PZP: variants seen among roughly 807,000 people sequenced by gnomAD.
PZP encodes the protein PZP alpha-2-macroglobulin like.
In PZP, 150 loss-of-function variants were observed where a neutral mutation model predicts 179.8. The observed-to-expected ratio is 0.83, with a 90% CI of 0.73 to 0.96. The LOEUF is 0.96. Ranked by LOEUF, PZP falls within the 40% of genes least tolerant of loss-of-function variation. PZP has a pLI of 0.00. For synonymous variants in PZP, 624 were observed against 652.3 expected (o/e 0.96, Z 0.66); for missense variants, 1,689 against 1,764.0 (o/e 0.96, Z 0.76).
chr12:9,184,526 T>C (rs776996535), intron 13 of PZP, among the ~76,000 whole-genome samples: 2 of 152,258 alleles, frequency 1.3e-5, no homozygotes, highest in African/African-American at 4.8e-5. Flanking sequence ...GCCAGCAACC[T>C]GGCACCTGCT....
intron 22 of PZP, 86 bp from the exon 23 acceptor site, chr12:9,161,202 G>T: frequency 8.7e-7 from 1 of 1,146,522 alleles, no homozygotes; most frequent in Non-Finnish European, 1.2e-6. Flanking sequence ...GAGCTTCAGA[G>T]CCACACTCCC....
chr12:9,155,551 G>C (rs1304296287), intron 28 of PZP, among the ~76,000 whole-genome samples: 1 of 152,076 alleles, frequency 6.6e-6, no homozygotes, highest in Non-Finnish European at 1.5e-5. Flanking sequence ...CACTGTAGAA[G>C]TTATCTCATG....
intron 15 of PZP, among the ~76,000 whole-genome samples, chr12:9,178,725 G>A (rs1317239508): frequency 6.6e-6 from 1 of 152,152 alleles, no homozygotes; most frequent in Non-Finnish European, 1.5e-5. Context: ...TGGAAGACAG[G>A]AACAGAAATG....
At chr12:9,165,491 C>A in intron 18 of PZP, 124 bp from the exon 19 acceptor site, 1 of 1,080,414 alleles carries the variant, frequency 9.3e-7, no homozygotes, top group Non-Finnish European at 1.3e-6. Flanking sequence ...TGCGAGTGTG[C>A]ATTCGTGTGA....
At chr12:9,167,444 T>C (rs1315509530) in intron 17 of PZP, 1 of 152,174 alleles carries the variant, frequency 6.6e-6, no homozygotes, top group Non-Finnish European at 1.5e-5. Flanking sequence ...GATCCATGGG[T>C]TGCAGAGATC....
At position 9,159,864 on chromosome 12, in the gene PZP, A is replaced by C. The variant is rs1188947019; in HGVS notation, c.3137+74T>G. The C allele has an allele frequency of 6.2e-6, 8 of 1,295,882 alleles. No individual in the cohort carries two copies. The East Asian group carries it at 1.6e-4, about 26-fold the overall frequency. The allele number at this position is 1,295,882 out of a possible 1,614,324, so 80.3% of individuals were successfully genotyped here. On this transcript the variant is annotated intron_variant, in intron 25 of 35. Transcript: ENST00000261336. ...GGTATTCTGTTATAAGCAACAGAAA[A>C]TGGACTAAGACAGGTAATCTATGTG... is the stretch of plus-strand genomic sequence containing the variant.
At chr12:9,156,314 C>T in intron 28 of PZP, 1 of 211,798 alleles carries the variant, frequency 4.7e-6, no homozygotes, top group Non-Finnish European at 1.0e-5. Context: ...ATCAATGTCA[C>T]CCTTTGTCCT....
In PZP at chr12:9,160,468, C is replaced by T. The variant is rs149099335; in HGVS notation, c.2895G>A (p.Met965Ile). Residue 965 changes from methionine (M) to isoleucine (I), a missense_variant, in exon 24 of 36, where the codon ATG (methionine) becomes ATA (isoleucine). Physicochemically the swap from Met to Ile is conservative, Grantham distance 10. Transcript: ENST00000261336. ...TCTGGAGGAGATTTTGTATATTTTG[C>T]ATAGCAGAACCTAATATGTCACCTG... ...SVLGDILGSA[M>I]QNIQNLLQMP... 2.0e-4 allele frequency: 321 copies of T among 1,613,614 alleles called. No individual in the cohort carries two copies. The African/African-American group carries it at 3.7e-3, about 18-fold the overall frequency.
At position 9,192,696 on chromosome 12, in the gene PZP, A is replaced by G; in HGVS notation, c.1298T>C (p.Val433Ala). Residue 433 changes from valine (V) to alanine (A), a missense_variant, in exon 12 of 36, where the codon GTA becomes GCA. This residue lies in a region of PZP where 742 missense variants were observed against 730.5 expected (regional missense o/e 1.02). Coordinates refer to ENST00000261336, the MANE Select transcript of PZP (RefSeq NM_002864.3). ...CTGAGCACCCTGGTGGTCTTCTGCTACCCATGAATAGTGAAAACACAAGTT... is the reference window on the plus strand; with the variant it reads ...CTGAGCACCCTGGTGGTCTTCTGCTGCCCATGAATAGTGAAAACACAAGTT... ...HPNLCFHYSW[V>A]AEDHQGAQHT... The G allele has an allele frequency of 6.2e-7, 1 of 1,613,700 alleles. No homozygotes were observed. Among genetic ancestry groups the G allele is most frequent in the Non-Finnish European group, 8.5e-7 (1 of 1,179,566 alleles).
intron 28 of PZP, 143 bp downstream of exon 28, chr12:9,157,032 T>C: frequency 1.5e-6 from 1 of 656,778 alleles, no homozygotes; most frequent in Non-Finnish European, 2.4e-6. Context: ...GCCCATCACC[T>C]GGTTATTAGG....
rs1294645809 is a variant in PZP at position 9,161,874 on chromosome 12, A to G, written c.2788+723T>C. 1.7e-4 allele frequency among the ~76,000 whole-genome samples: 26 copies of G among 152,136 alleles called. 1 individual carries two copies. The highest frequency in any genetic ancestry group is 1.6e-3 in the Admixed American group (24 of 15,288). On this transcript the variant is annotated intron_variant, in intron 22 of 35. Coordinates refer to ENST00000261336, the MANE Select transcript of PZP (RefSeq NM_002864.3). ...TTTAGTGAGATGGGTAGGAAATGCTATATGTTTTGTCAGCAGCTGTTTTAG... is the reference window on the plus strand; with the variant it reads ...TTTAGTGAGATGGGTAGGAAATGCTGTATGTTTTGTCAGCAGCTGTTTTAG...
intron 1 of PZP, among the ~76,000 whole-genome samples, chr12:9,205,571 C>T (rs941300820): frequency 2.0e-5 from 3 of 152,166 alleles, no homozygotes; most frequent in African/African-American, 4.8e-5. Context: ...CATGCCAAAT[C>T]AGTAAAATCA....
At position 9,194,351 on chromosome 12, in the gene PZP, A is replaced by T. The variant is rs770849203; in HGVS notation, c.1093-113T>A. On this transcript the variant is annotated intron_variant, in intron 10 of 35. Coordinates refer to ENST00000261336, the MANE Select transcript of PZP (RefSeq NM_002864.3). ...TAAAACAACAACCTCCCCCTCAAAA[A>T]AACCCCACCAAACCTTCATATTTAC... 6 of 843,472 alleles carry T rather than the reference A, an allele frequency of 7.1e-6. No homozygotes were observed. In the Admixed American group the frequency reaches 1.1e-4, roughly 16 times the overall value. The allele number at this position is 843,472 out of a possible 1,614,324, so 52.2% of individuals were successfully genotyped here. A position where few individuals can be genotyped will look rare whatever the true frequency, so the allele number is the denominator to read the frequency against.
Position 9,157,278 on chromosome 12 carries a change from A to G in PZP, c.3447T>C (p.His1149=). Reference sequence around the variant, plus strand: ...AGGCCAGCAATGCCTTGGTGTAGACATGGCTCCCATGGGTCCCCTCCTTTG... The same window carrying G: ...AGGCCAGCAATGCCTTGGTGTAGACGTGGCTCCCATGGGTCCCCTCCTTTG... ...NVAKEGTHGS[H]VYTKALLAYA... is the part of the protein sequence containing the mutation. The change falls in exon 28 of 36, where the codon CAT becomes CAC. Residue 1149 remains histidine, a synonymous_variant. Coordinates refer to ENST00000261336, the MANE Select transcript of PZP (RefSeq NM_002864.3). 1 of 1,614,118 alleles carries G rather than the reference A, an allele frequency of 6.2e-7. No individual in the cohort carries two copies. Among genetic ancestry groups the G allele is most frequent in the South Asian group, 1.1e-5 (1 of 91,068 alleles).
downstream of PZP, among the ~76,000 whole-genome samples, chr12:9,147,784 G>T (rs1034415640): frequency 1.3e-5 from 2 of 152,158 alleles, no homozygotes; most frequent in Admixed American, 6.5e-5. Context: ...TTCAAGCTAA[G>T]TCTTCTGGAA....
intron 1 of PZP, among the ~76,000 whole-genome samples, chr12:9,205,883 G>A (rs965576103): frequency 6.6e-6 from 1 of 152,044 alleles, no homozygotes; most frequent in African/African-American, 2.4e-5. Flanking sequence ...CTCAAATTTG[G>A]TCCCCTCATC....
chr12:9,192,351 T>G (rs1222464924), intron 12 of PZP, 95 bp from the exon 13 acceptor site: 1 of 1,357,958 alleles, frequency 7.4e-7, no homozygotes, highest in Non-Finnish European at 1.0e-6. Flanking sequence ...GTCAAGTCTG[T>G]GCTGGAGAGA....
intron 32 of PZP, 72 bp from the exon 33 acceptor site, chr12:9,151,744 T>C: frequency 8.2e-7 from 1 of 1,224,022 alleles, no homozygotes; most frequent in Non-Finnish European, 1.2e-6. Context: ...CTAGAGCAGA[T>C]TGTAATAAGG....
At chr12:9,143,696 G>T in the PZP span, among the ~76,000 whole-genome samples, 1 of 152,050 alleles carries the variant, frequency 6.6e-6, no homozygotes, top group African/African-American at 2.4e-5. Context: ...TGCCATTTTC[G>T]GGCCATTAGC....
Sources: gnomAD v4.1 joint callset for allele counts (sites outside exome capture counted in the v4.1 genomes callset) on GRCh38, gnomAD v4.1.1 for gene constraint, gnomAD v4.1.1 regional missense constraint, MANE v1.5 for transcripts, NCBI Gene and HGNC (gene_info 2026-07-23, HGNC 2026-07-21) for gene names.